TUBB2A: variants seen among roughly 807,000 people sequenced by gnomAD.
TUBB2A encodes the protein tubulin beta 2A class IIa.
TUBB2A carries 7 observed loss-of-function variants against 33.9 expected under a neutral mutation model. The observed-to-expected ratio is 0.21, with a 90% confidence interval of 0.12 to 0.39. TUBB2A has a LOEUF of 0.39. TUBB2A is among the 10% of genes least tolerant of loss of function. TUBB2A has a pLI of 1.00. For missense variants in TUBB2A, 80 were observed against 593.4 expected (o/e 0.13, Z 8.99); for synonymous variants, 187 against 247.6 (o/e 0.76, Z 2.30).
Position 3,155,044 on chromosome 6 carries a change from C to A in TUBB2A, c.278-121G>T. The A allele has an allele frequency of 6.5e-7, 1 of 1,530,778 alleles. No individual in the cohort carries two copies. The highest frequency in any genetic ancestry group is 1.2e-5 in the South Asian group (1 of 82,740). The allele number at this position is 1,530,778 out of a possible 1,614,324, so 94.8% of individuals were successfully genotyped here. A position where few individuals can be genotyped will look rare whatever the true frequency, so the allele number is the denominator to read the frequency against. The stretch of plus-strand genomic sequence containing the variant: ...CTGGCAGATTCTTCTCTTTTGAATA[C>A]TCTTCTTTTACCTGAAGAAATATTT... On this transcript the variant is annotated intron_variant, in intron 3 of 3. Transcript: ENST00000333628. The surrounding 1 kb of genome is among the most constrained non-coding windows in gnomAD (Gnocchi z 4.2).
At chr6:3,157,022 A>T (rs1472265610) in intron 1 of TUBB2A, among the ~76,000 whole-genome samples, 1 of 152,252 alleles carries the variant, frequency 6.6e-6, no homozygotes, top group Admixed American at 6.5e-5. Flanking sequence ...CCTCTGTTAC[A>T]TCTGCCAGTC....
Position 3,154,115 on chromosome 6 carries a change from C to T in TUBB2A, c.1086G>A (p.Lys362=). 1 of 1,279,114 alleles carries T rather than the reference C, an allele frequency of 7.8e-7. No homozygotes were observed. The highest frequency in any genetic ancestry group is 1.1e-6 in the Non-Finnish European group (1 of 940,170). The allele number at this position is 1,279,114 out of a possible 1,614,324, so 79.2% of individuals were successfully genotyped here. ...TGTTGCCGATGAAGGTGGCCGACAT[C>T]TTCAGGCCGCGGGGCGGGATGTCGC... ...AVCDIPPRGL[K]MSATFIGNST... is the part of the protein sequence containing the mutation. The change falls in exon 4 of 4, where the codon AAG becomes AAA. Residue 362 remains lysine (K), a synonymous_variant. Transcript: ENST00000333628.
In TUBB2A at chr6:3,156,028, A is replaced by G; in HGVS notation, c.166+16T>C. The G allele has an allele frequency of 1.3e-6, 2 of 1,556,502 alleles. No homozygotes were observed. The highest frequency in any genetic ancestry group is 1.7e-6 in the Non-Finnish European group (2 of 1,146,428). On this transcript the variant is annotated intron_variant, in intron 2 of 3. Transcript: ENST00000333628. ...GGAAAGCAAGGATTCCTGGGCACAC[A>G]CATCCCGCTACTCACCAGCAGCCTC...
chr6:3,154,214 C>T lies in TUBB2A; in HGVS notation c.987G>A (p.Gln329=), dbSNP rs1459497796. The T allele has an allele frequency of 1.4e-6, 1 of 734,046 alleles. No individual in the cohort carries two copies. Among genetic ancestry groups the T allele is most frequent in the Non-Finnish European group, 2.1e-6 (1 of 486,414 alleles). 45.5% of individuals were successfully genotyped at this position (734,046 alleles called of 1,614,324 possible). A position where few individuals can be genotyped will look rare whatever the true frequency, so the allele number is the denominator to read the frequency against. The part of the protein sequence containing the change: ...GRMSMKEVDE[Q]MLNVQNKNSS... Reference sequence around the variant, plus strand: ...TGTTCTTGTTCTGCACGTTGAGCATCTGCTCGTCCACCTCCTTCATGGACA... The same window carrying T: ...TGTTCTTGTTCTGCACGTTGAGCATTTGCTCGTCCACCTCCTTCATGGACA... The change falls in exon 4 of 4, where the codon CAG becomes CAA. Residue 329 remains glutamine (Q), a synonymous_variant. Coordinates refer to ENST00000333628, the MANE Select transcript of TUBB2A (RefSeq NM_001069.3).
At chr6:3,157,383 G>A in intron 1 of TUBB2A, 24 bp downstream of exon 1, 1 of 1,506,178 alleles carries the variant, frequency 6.6e-7, no homozygotes, top group Non-Finnish European at 8.8e-7. Flanking sequence ...CCAACCCCGG[G>A]CCCCTCCGTG....
In TUBB2A at chr6:3,155,114, A is replaced by G. The variant is rs1190135792; in HGVS notation, c.278-191T>C. 7.0e-7 allele frequency: 1 copy of G among 1,427,782 alleles called. No individual in the cohort carries two copies. The highest frequency in any genetic ancestry group is 9.3e-7 in the Non-Finnish European group (1 of 1,077,872). The allele number at this position is 1,427,782 out of a possible 1,614,324, so 88.4% of individuals were successfully genotyped here. A position where few individuals can be genotyped will look rare whatever the true frequency, so the allele number is the denominator to read the frequency against. ...AAAACACTGGGGATCATAATAAAGT[A>G]AGAAGTAAGTTTAGCTCATCTGAGG... On this transcript the variant is annotated intron_variant, in intron 3 of 3. Coordinates refer to ENST00000333628, the MANE Select transcript of TUBB2A (RefSeq NM_001069.3). The surrounding 1 kb of genome is among the most constrained non-coding windows in gnomAD (Gnocchi z 4.2).
In TUBB2A at chr6:3,156,355, A is replaced by G. The variant is rs3734490; in HGVS notation, c.58-203T>C. 1.7e-4 allele frequency among the ~76,000 whole-genome samples: 26 copies of G among 152,424 alleles called. No homozygotes were observed. The East Asian group carries it at 4.8e-3, about 28-fold the overall frequency. On this transcript the variant is annotated intron_variant, in intron 1 of 3. Transcript: ENST00000333628. ...TGAAAATCCGCAGAGCATCGGCCAT[A>G]TTATGGGGATAGACTGAAAGGCTGG...
intron 1 of TUBB2A, among the ~76,000 whole-genome samples, chr6:3,156,909 G>C (rs1762645667): frequency 2.0e-5 from 3 of 151,918 alleles, no homozygotes; most frequent in South Asian, 4.2e-4. Context: ...CTGCCGCCTC[G>C]GGGACTGGCA....
At position 3,153,774 on chromosome 6, in the gene TUBB2A, A is replaced by G. The variant is rs1762585867; in HGVS notation, c.*89T>C. ...AACAGTGTGAATTTCTAACAGAGGC[A>G]AAACTGAGCACCATAGTTTACAAGT... On this transcript the variant is annotated 3_prime_UTR_variant, in exon 4 of 4. Transcript: ENST00000333628. 6.3e-7 allele frequency: 1 copy of G among 1,576,072 alleles called. No homozygotes were observed. Among genetic ancestry groups the G allele is most frequent in the South Asian group, 1.2e-5 (1 of 84,904 alleles).
chr6:3,155,686 G>C lies in TUBB2A; in HGVS notation c.216C>G (p.Thr72=). The C allele has an allele frequency of 6.2e-7, 1 of 1,614,118 alleles. No individual in the cohort carries two copies. The highest frequency in any genetic ancestry group is 8.5e-7 in the Non-Finnish European group (1 of 1,180,016). ...AGGGTCCAGACCTGACAGAGTCCAT[G>C]GTGCCAGGCTCCAGATCCACCAGGA... The part of the protein sequence containing the change: ...RAILVDLEPG[T]MDSVRSGPFG... The change falls in exon 3 of 4, where the codon ACC becomes ACG. Residue 72 remains threonine, a synonymous_variant. Transcript: ENST00000333628. This position sits in a 1 kb window ranked among gnomAD's most constrained non-coding sequence, Gnocchi z 4.2.
chr6:3,157,223 A>C (rs993645224), intron 1 of TUBB2A, among the ~76,000 whole-genome samples, 184 bp downstream of exon 1: 5 of 152,312 alleles, frequency 3.3e-5, no homozygotes, highest in Non-Finnish European at 7.4e-5. Context: ...GATTAAACGC[A>C]CACACAGCTG....
intron 1 of TUBB2A, 30 bp from the exon 2 acceptor site, chr6:3,156,182 T>C (rs1162553375): frequency 6.2e-7 from 1 of 1,613,570 alleles, no homozygotes; most frequent in East Asian, 2.2e-5. Flanking sequence ...ACACCATGGC[T>C]CTGCATCCTG....
chr6:3,157,226 C>G (rs1762652386), intron 1 of TUBB2A, among the ~76,000 whole-genome samples, 181 bp downstream of exon 1: 1 of 152,244 alleles, frequency 6.6e-6, no homozygotes, highest in Non-Finnish European at 1.5e-5. Flanking sequence ...TAAACGCACA[C>G]ACAGCTGCGG....
intron 1 of TUBB2A, among the ~76,000 whole-genome samples, chr6:3,156,653 C>G (rs1409068486): frequency 1.3e-5 from 2 of 152,270 alleles, no homozygotes; most frequent in African/African-American, 2.4e-5. Flanking sequence ...TGGCACTGAC[C>G]ACCGGAGGGA....
At chr6:3,157,285 C>T (rs1280885025) in intron 1 of TUBB2A, 122 bp downstream of exon 1, 5 of 1,136,270 alleles carry the variant, frequency 4.4e-6, no homozygotes, top group East Asian at 3.7e-5. Context: ...CCCCGCCCGG[C>T]GGCCTCGCCG....
chr6:3,157,468 C>T lies in TUBB2A; in HGVS notation c.-5G>A. On this transcript the variant is annotated 5_prime_UTR_variant, in exon 1 of 4. Transcript: ENST00000333628. ...GATGTGCACGATCTCGCGCATGGTGCCGGCTGCGGAGCGGGTGGCGCTGGC... is the reference window on the plus strand; with the variant it reads ...GATGTGCACGATCTCGCGCATGGTGTCGGCTGCGGAGCGGGTGGCGCTGGC... 2 of 1,530,376 alleles carry T rather than the reference C, an allele frequency of 1.3e-6. No homozygotes were observed. Among genetic ancestry groups the T allele is most frequent in the Admixed American group, 1.9e-5 (1 of 51,544 alleles). 94.8% of individuals were successfully genotyped at this position (1,530,376 alleles called of 1,614,324 possible).
chr6:3,155,800 C>T lies in TUBB2A; in HGVS notation c.167-65G>A. On this transcript the variant is annotated intron_variant, in intron 2 of 3. Transcript: ENST00000333628. This position sits in a 1 kb window ranked among gnomAD's most constrained non-coding sequence, Gnocchi z 4.2. ...AGGGACTCACAGCAGCATTCAATTCCAGCATCTGAGACAAAAGGAGAACAG... is the reference window on the plus strand; with the variant it reads ...AGGGACTCACAGCAGCATTCAATTCTAGCATCTGAGACAAAAGGAGAACAG... 1 of 1,441,770 alleles carries T rather than the reference C, an allele frequency of 6.9e-7. No individual in the cohort carries two copies. Among genetic ancestry groups the T allele is most frequent in the Non-Finnish European group, 9.6e-7 (1 of 1,037,826 alleles). 89.3% of individuals were successfully genotyped at this position (1,441,770 alleles called of 1,614,324 possible). A position where few individuals can be genotyped will look rare whatever the true frequency, so the allele number is the denominator to read the frequency against.
chr6:3,157,204 A>C (rs1762651750), intron 1 of TUBB2A, among the ~76,000 whole-genome samples: 1 of 152,216 alleles, frequency 6.6e-6, no homozygotes, highest in Admixed American at 6.5e-5. Flanking sequence ...GGGAAATCGA[A>C]AGGCCCCCGA....
chr6:3,155,093 C>T lies in TUBB2A; in HGVS notation c.278-170G>A. 6.9e-7 allele frequency: 1 copy of T among 1,459,508 alleles called. No individual in the cohort carries two copies. The allele number at this position is 1,459,508 out of a possible 1,614,324, so 90.4% of individuals were successfully genotyped here. On this transcript the variant is annotated intron_variant, in intron 3 of 3. Transcript: ENST00000333628. The surrounding 1 kb of genome is among the most constrained non-coding windows in gnomAD (Gnocchi z 4.2). ...TTTTCTATGTCAGTGACCTCAAAAACACTGGGGATCATAATAAAGTAAGAA... is the reference window on the plus strand; with the variant it reads ...TTTTCTATGTCAGTGACCTCAAAAATACTGGGGATCATAATAAAGTAAGAA...
Sources: allele counts gnomAD v4.1 joint callset (sites outside exome capture counted in the v4.1 genomes callset), GRCh38; gene constraint gnomAD v4.1.1; non-coding constraint Gnocchi (gnomAD v3.1); transcripts MANE v1.5; gene names NCBI Gene and HGNC (gene_info 2026-07-23, HGNC 2026-07-21).